Variants in SS18L1 observed in about 807,000 individuals in gnomAD.
The protein encoded by SS18L1 is calcium-responsive transactivator.
In SS18L1, 32 loss-of-function variants were observed where a neutral mutation model predicts 70.3. The ratio of observed to expected loss-of-function variants is 0.46; its 90% CI spans 0.34 to 0.61. SS18L1 has a LOEUF of 0.61. Among genes scored for constraint, SS18L1 ranks in the 20% least tolerant of loss-of-function variants. The pLI is 0.01. For synonymous variants in SS18L1, 237 were observed against 229.7 expected (o/e 1.03, Z -0.29); for missense variants, 430 against 542.1 (o/e 0.79, Z 2.05).
At chr20:62,176,948 C>T (rs1297201613) in intron 10 of SS18L1, among the ~76,000 whole-genome samples, 4 of 152,192 alleles carry the variant, frequency 2.6e-5, no homozygotes, top group East Asian at 1.9e-4. Context: ...GCACTGCCGG[C>T]GCTGGGCGTC....
At chr20:62,153,445 G>A (rs2057169607) in intron 1 of SS18L1, among the ~76,000 whole-genome samples, 1 of 152,018 alleles carries the variant, frequency 6.6e-6, no homozygotes, top group African/African-American at 2.4e-5. Flanking sequence ...TAGGGCTGCT[G>A]ACCTTACCTG....
Position 62,172,733 on chromosome 20 carries a change from A to G in SS18L1, c.968A>G (p.Gln323Arg). ...GCCGGGTACCAGCAGGGTGCCGCGC[A>G]GCAGCAGACGTACTCCCAGCAGCAG... ...QQAGYQQGAA[Q>R]QQTYSQQQYP... is the part of the protein sequence containing the mutation. Residue 323 changes from glutamine to arginine, a missense_variant, in exon 9 of 11, where the codon CAG becomes CGG. By Grantham distance (43) the Gln-to-Arg change is conservative. Transcript: ENST00000331758. The G allele has an allele frequency of 6.2e-7, 1 of 1,614,060 alleles. No homozygotes were observed. Among genetic ancestry groups the G allele is most frequent in the Non-Finnish European group, 8.5e-7 (1 of 1,180,024 alleles).
rs1318123853 is a variant in SS18L1 at position 62,163,655 on chromosome 20, G to A, written c.721+33G>A. 3.3e-6 allele frequency: 5 copies of A among 1,512,560 alleles called. No individual in the cohort carries two copies. The African/African-American group carries it at 6.8e-5, about 21-fold the overall frequency. 93.7% of individuals were successfully genotyped at this position (1,512,560 alleles called of 1,614,324 possible). On this transcript the variant is annotated intron_variant, in intron 6 of 10. Transcript: ENST00000331758. The stretch of plus-strand genomic sequence containing the variant: ...CCGGCCGGGCCAGGTCGCGGGCACA[G>A]CTGACCGCCGCGGGTCGTGAAGTGC...
chr20:62,143,945 G>C, intron 1 of SS18L1, 56 bp downstream of exon 1: 1 of 963,938 alleles, frequency 1.0e-6, no homozygotes, highest in Non-Finnish European at 1.2e-6. Context: ...GGGCGCGCGC[G>C]GGGACGGGGC....
rs2057584497 is a variant in SS18L1, at chr20:62,174,437, A to T, written c.1037-80A>T. ...TTTTTCAAGGAGAAGAGGAAGTTTT[A>T]AAAAAAATTTTTAAGTTAAGAAAAA... On this transcript the variant is annotated intron_variant, in intron 9 of 10. Coordinates refer to ENST00000331758, the MANE Select transcript of SS18L1 (RefSeq NM_198935.3). The surrounding 1 kb of genome is among the most constrained non-coding windows in gnomAD (Gnocchi z 4.1). 3.3e-6 allele frequency: 5 copies of T among 1,522,012 alleles called. No individual in the cohort carries two copies. Among genetic ancestry groups the T allele is most frequent in the Non-Finnish European group, 1.8e-6 (2 of 1,135,926 alleles). The allele number at this position is 1,522,012 out of a possible 1,614,324, so 94.3% of individuals were successfully genotyped here.
chr20:62,152,895 T>A (rs2057159118), intron 1 of SS18L1, among the ~76,000 whole-genome samples: 1 of 152,038 alleles, frequency 6.6e-6, no homozygotes, highest in Admixed American at 6.6e-5. Flanking sequence ...CCTGTCAGGG[T>A]CTTTTGCTTT....
chr20:62,161,627 AGGCAGCCCTTG>A lies in SS18L1; in HGVS notation c.376+55_376+65del, dbSNP rs1161817160. 6.3e-7 allele frequency: 1 copy of A among 1,580,196 alleles called. No individual in the cohort carries two copies. The highest frequency in any genetic ancestry group is 1.3e-5 in the African/African-American group (1 of 74,354). On this transcript the variant is annotated intron_variant, in intron 4 of 10. Coordinates refer to ENST00000331758, the MANE Select transcript of SS18L1 (RefSeq NM_198935.3). The surrounding 1 kb of genome is among the most constrained non-coding windows in gnomAD (Gnocchi z 4.4). ...GACGTTCCTGGCTACGAGGCCACCA[AGGCAGCCCTTG>A]GGCAGCCGGCTGCCATGGTGGGGCA...
At chr20:62,156,840 C>T (rs748245034) in intron 1 of SS18L1, among the ~76,000 whole-genome samples, 13 of 152,356 alleles carry the variant, frequency 8.5e-5, no homozygotes, top group Non-Finnish European at 1.6e-4. Flanking sequence ...GAGCTCCTGT[C>T]GGGAGCGGCC....
chr20:62,154,286 G>A lies in SS18L1; in HGVS notation c.70-4386G>A, dbSNP rs1348445679. On this transcript the variant is annotated intron_variant, in intron 1 of 10. Coordinates refer to ENST00000331758, the MANE Select transcript of SS18L1 (RefSeq NM_198935.3). The stretch of plus-strand genomic sequence containing the variant: ...GTCTTTGATGACTCTGACAGTTTTT[G>A]AAGAATGCCGGCCAGTCATCGAGTG... 9 of 1,026,286 alleles carry A rather than the reference G, an allele frequency of 8.8e-6. No homozygotes were observed. The African/African-American group carries it at 1.4e-4, about 15-fold the overall frequency. 63.6% of individuals were successfully genotyped at this position (1,026,286 alleles called of 1,614,324 possible).
At chr20:62,151,702 G>T (rs1011292160) in intron 1 of SS18L1, among the ~76,000 whole-genome samples, 1 of 152,200 alleles carries the variant, frequency 6.6e-6, no homozygotes, top group African/African-American at 2.4e-5. Context: ...GCACCCAGCC[G>T]CGTTGGGATC....
chr20:62,172,093 G>C (rs1164203169), intron 8 of SS18L1, among the ~76,000 whole-genome samples: 2 of 151,960 alleles, frequency 1.3e-5, no homozygotes, highest in East Asian at 3.9e-4. Context: ...ACCCGGGTGG[G>C]GCGGAGCTTG....
At chr20:62,165,060 A>C (rs2057402435) in intron 7 of SS18L1, among the ~76,000 whole-genome samples, 1 of 152,226 alleles carries the variant, frequency 6.6e-6, no homozygotes, top group Non-Finnish European at 1.5e-5. Flanking sequence ...GGTCACATGC[A>C]GCGAAGGCCT....
chr20:62,178,949 G>A (rs2057666946), intron 10 of SS18L1, among the ~76,000 whole-genome samples: 1 of 152,246 alleles, frequency 6.6e-6, no homozygotes, highest in African/African-American at 2.4e-5. Context: ...CACAGGCCCG[G>A]CCGCAGCGAT....
chr20:62,148,528 C>A (rs975751227), intron 1 of SS18L1, among the ~76,000 whole-genome samples: 84 of 129,068 alleles, frequency 6.5e-4, no homozygotes, highest in Admixed American at 1.0e-3. Context: ...TTGCTGTCTT[C>A]GGTCAGGTGA....
At chr20:62,149,359 A>G (rs1445872651) in intron 1 of SS18L1, among the ~76,000 whole-genome samples, 3 of 152,356 alleles carry the variant, frequency 2.0e-5, no homozygotes, top group African/African-American at 4.8e-5. Context: ...AGAAGGTGCC[A>G]TGGATGATGG....
intron 5 of SS18L1, 45 bp downstream of exon 5, chr20:62,162,976 C>T (rs370317803): frequency 3.4e-4 from 538 of 1,595,974 alleles, no homozygotes; most frequent in Non-Finnish European, 4.1e-4. Context: ...GGGCCTGCCT[C>T]CAAGACCCTT....
chr20:62,157,829 A>G (rs532773225), intron 1 of SS18L1, among the ~76,000 whole-genome samples: 1 of 151,972 alleles, frequency 6.6e-6, no homozygotes, highest in East Asian at 1.9e-4. Context: ...GGTCTAGGTC[A>G]TGCCCGGTTC....
intron 8 of SS18L1, among the ~76,000 whole-genome samples, chr20:62,165,999 T>A (rs1055300628): frequency 6.6e-6 from 1 of 152,218 alleles, no homozygotes; most frequent in East Asian, 1.9e-4. Flanking sequence ...GGCTGGGGGC[T>A]TGCCGCCCTT....
chr20:62,147,174 G>C lies in SS18L1; in HGVS notation c.69+3285G>C, dbSNP rs916505634. On this transcript the variant is annotated intron_variant, in intron 1 of 10. Coordinates refer to ENST00000331758, the MANE Select transcript of SS18L1 (RefSeq NM_198935.3). ...CCCGAGCCTGGCCTGCATGGAGCAG[G>C]TATTGGGGGACCTAAAGTGGAAGGG... is the stretch of plus-strand genomic sequence containing the variant. Among the ~76,000 whole-genome samples the C allele has an allele frequency of 2.0e-5, 3 of 152,206 alleles. 1 individual carries two copies. The highest frequency in any genetic ancestry group is 2.0e-4 in the Admixed American group (3 of 15,286).
Sources: gnomAD v4.1 joint callset for allele counts (sites outside exome capture counted in the v4.1 genomes callset) on GRCh38, gnomAD v4.1.1 for gene constraint, Gnocchi (gnomAD v3.1) non-coding constraint, MANE v1.5 for transcripts, NCBI Gene and HGNC (gene_info 2026-07-23, HGNC 2026-07-21) for gene names.